The following RERE variants were observed in gnomAD, a reference collection of about 807,000 sequenced individuals.
RERE encodes arginine-glutamic acid dipeptide repeats, also known as arginine-glutamic acid dipeptide repeats protein.
A neutral mutation model predicts 146.1 loss-of-function variants in RERE; 40 were observed. That is an observed-to-expected ratio of 0.27 (90% CI 0.21 to 0.36). The LOEUF is 0.36. Ranked by LOEUF, RERE falls within the 10% of genes least tolerant of loss-of-function variation. The pLI, the probability that RERE is intolerant of heterozygous loss-of-function variation, is 1.00. For missense variants in RERE, 1,933 were observed against 2,138.7 expected (o/e 0.90, Z 1.90); for synonymous variants, 1,003 against 866.0 (o/e 1.16, Z -2.78).
In RERE at chr1:8,699,120, G is replaced by T. The variant is rs573556992; in HGVS notation, c.-144-42679C>A. 4.6e-5 allele frequency among the ~76,000 whole-genome samples: 7 copies of T among 152,230 alleles called. No homozygotes were observed. The East Asian group carries it at 1.2e-3, about 25-fold the overall frequency. ...AGACTTCATCTTTTTTGTATCTTCAGCAACTAAAACAGTACCTAGTACATA... is the reference window on the plus strand; with the variant it reads ...AGACTTCATCTTTTTTGTATCTTCATCAACTAAAACAGTACCTAGTACATA... On this transcript the variant is annotated intron_variant, in intron 1 of 22. Coordinates refer to ENST00000400908, the MANE Select transcript of RERE (RefSeq NM_001042681.2).
chr1:8,653,152 C>CT (rs1429106141), intron 2 of RERE, among the ~76,000 whole-genome samples: 1 of 152,192 alleles, frequency 6.6e-6, no homozygotes, highest in Non-Finnish European at 1.5e-5. Context: ...GTCACTAATT[C>CT]TGACTCTCTC....
chr1:8,797,049 T>C (rs190637710), intron 1 of RERE, among the ~76,000 whole-genome samples: 4 of 151,742 alleles, frequency 2.6e-5, no homozygotes, highest in Admixed American at 2.6e-4. Context: ...AAGCCAGTGC[T>C]AGAAGACAGA....
At chr1:8,459,471 T>C (rs1644498809) in intron 11 of RERE, among the ~76,000 whole-genome samples, 1 of 152,192 alleles carries the variant, frequency 6.6e-6, no homozygotes, top group Non-Finnish European at 1.5e-5. Flanking sequence ...GTACCTACTA[T>C]GTGATGCAGT....
chr1:8,404,107 G>T (rs1643362966), intron 12 of RERE, among the ~76,000 whole-genome samples: 1 of 151,972 alleles, frequency 6.6e-6, no homozygotes, highest in African/African-American at 2.4e-5. Context: ...GGGATTATAG[G>T]CCTGAGCCGC....
Position 8,731,025 on chromosome 1 carries a change from C to T in RERE, c.-144-74584G>A, listed in dbSNP as rs1231495153. On this transcript the variant is annotated intron_variant, in intron 1 of 22. Coordinates refer to ENST00000400908, the MANE Select transcript of RERE (RefSeq NM_001042681.2). ...ACTGGGGTCACAGAGCAAACAGCTA[C>T]CACAAAATTTGAAGGAAAAAAATCA... is the stretch of plus-strand genomic sequence containing the variant. Among the ~76,000 whole-genome samples the T allele has an allele frequency of 2.0e-5, 3 of 151,986 alleles. No individual in the cohort carries two copies. In the East Asian group the frequency reaches 5.8e-4, roughly 29 times the overall value.
chr1:8,786,267 TG>T, intron 1 of RERE: 1 of 996,486 alleles, frequency 1.0e-6, no homozygotes, highest in Non-Finnish European at 1.6e-6. Flanking sequence ...TTCTACAAAA[TG>T]GGTGGTTTTT....
chr1:8,506,461 T>G (rs2124288718), intron 8 of RERE, among the ~76,000 whole-genome samples: 1 of 152,364 alleles, frequency 6.6e-6, no homozygotes, highest in East Asian at 1.9e-4. Context: ...TTAAAATAGG[T>G]TATTTAAAAA....
At chr1:8,473,033 T>G (rs957862978) in intron 10 of RERE, among the ~76,000 whole-genome samples, 21 of 152,184 alleles carry the variant, frequency 1.4e-4, no homozygotes, top group African/African-American at 4.8e-4. Flanking sequence ...AAAACACTGA[T>G]TTCTTGAACA....
chr1:8,354,517 T>C lies in RERE; in HGVS notation c.*570A>G, dbSNP rs1641214689. The C allele has an allele frequency of 6.6e-6, 1 of 152,204 alleles. No individual in the cohort carries two copies. Among genetic ancestry groups the C allele is most frequent in the Non-Finnish European group, 1.5e-5 (1 of 68,040 alleles). 9.4% of individuals were successfully genotyped at this position (152,204 alleles called of 1,614,324 possible). On this transcript the variant is annotated 3_prime_UTR_variant, in exon 23 of 23. Coordinates refer to ENST00000400908, the MANE Select transcript of RERE (RefSeq NM_001042681.2). ...AAAAATAGATCACAATAGTAGTTTA[T>C]GGAAGAAAAAAAGGCTGTTCTAAAA...
chr1:8,667,494 G>A (rs1638603664), intron 1 of RERE, among the ~76,000 whole-genome samples: 1 of 152,176 alleles, frequency 6.6e-6, no homozygotes, highest in Admixed American at 6.5e-5. Flanking sequence ...TGGCCCACAT[G>A]GCGAAATCCC....
At chr1:8,429,847 T>G (rs1644071424) in intron 11 of RERE, 1 of 152,656 alleles carries the variant, frequency 6.6e-6, no homozygotes, top group African/African-American at 2.4e-5. Context: ...AGCAGGCAGA[T>G]CTGCTAGTAA....
chr1:8,583,715 A>T (rs1335879624), intron 4 of RERE, among the ~76,000 whole-genome samples: 2 of 151,990 alleles, frequency 1.3e-5, no homozygotes, highest in Admixed American at 1.3e-4. Context: ...TAAATAAATT[A>T]AAGAAAAAAG....
At chr1:8,568,595 C>T (rs1196371824) in intron 4 of RERE, among the ~76,000 whole-genome samples, 1 of 152,240 alleles carries the variant, frequency 6.6e-6, no homozygotes, top group Non-Finnish European at 1.5e-5. Context: ...GTGAGCCCTA[C>T]TGTCCTGGAT....
intron 4 of RERE, among the ~76,000 whole-genome samples, chr1:8,613,363 C>A (rs1363186578): frequency 6.6e-6 from 1 of 152,176 alleles, no homozygotes; most frequent in Admixed American, 6.5e-5. Context: ...TCCTGCGGGT[C>A]ATCTTCTCAC....
rs1491081419 is a variant in RERE, at chr1:8,541,146, CAT to C, written c.830+66_830+67del. On this transcript the variant is annotated intron_variant, in intron 7 of 22. Coordinates refer to ENST00000400908, the MANE Select transcript of RERE (RefSeq NM_001042681.2). The stretch of plus-strand genomic sequence containing the variant: ...GAAGCATAAACTACACACACACACA[CAT>C]ACACACACACACAAATGAGAAAAGG... 57 of 809,588 alleles carry C rather than the reference CAT, an allele frequency of 7.0e-5. 1 individual carries two copies. In the Middle Eastern group the frequency reaches 1.2e-3, roughly 17 times the overall value. The allele number at this position is 809,588 out of a possible 1,614,324, so 50.2% of individuals were successfully genotyped here.
chr1:8,372,592 C>T (rs561077563), intron 12 of RERE, among the ~76,000 whole-genome samples: 5 of 150,158 alleles, frequency 3.3e-5, no homozygotes, highest in South Asian at 2.1e-4. Flanking sequence ...TAACCGTATG[C>T]GCACCCCCTT....
At chr1:8,526,109 A>G in intron 7 of RERE, 5 of 1,055,372 alleles carry the variant, frequency 4.7e-6, no homozygotes, top group Non-Finnish European at 5.8e-6. Flanking sequence ...ACACCAAGCT[A>G]GTGTGCAGGG....
chr1:8,500,882 A>G (rs1645128137), intron 8 of RERE, among the ~76,000 whole-genome samples: 1 of 150,392 alleles, frequency 6.6e-6, no homozygotes, highest in Admixed American at 6.6e-5. Context: ...GGATGTGAGG[A>G]GCGCCTCTGC....
chr1:8,361,465 G>A lies in RERE; in HGVS notation c.2042C>T (p.Ser681Phe). The A allele has an allele frequency of 2.5e-6, 4 of 1,612,660 alleles. No homozygotes were observed. In the South Asian group the frequency reaches 4.4e-5, roughly 18 times the overall value. Residue 681 changes from serine to phenylalanine, a missense_variant, in exon 18 of 23, where the codon TCT becomes TTT. Physicochemically the swap from Ser to Phe is radical, Grantham distance 155. Coordinates refer to ENST00000400908, the MANE Select transcript of RERE (RefSeq NM_001042681.2). ...GTCTGAACTCTCTCCCTCACCTTCA[G>A]ATGGCGAGTTGGGCCTGCTGATCTC... ...TQEISRPNSP[S>F]EGEGESSDSR...
Sources: allele counts gnomAD v4.1 joint callset (sites outside exome capture counted in the v4.1 genomes callset), GRCh38; gene constraint gnomAD v4.1.1; transcripts MANE v1.5; gene names NCBI Gene and HGNC (gene_info 2026-07-23, HGNC 2026-07-21).